AUTS2: variants seen among roughly 807,000 people sequenced by gnomAD.
AUTS2 encodes activator of transcription and developmental regulator AUTS2, also known as autism susceptibility gene 2 protein.
AUTS2 carries 17 observed loss-of-function variants against 112.4 expected under a neutral mutation model. That is an observed-to-expected ratio of 0.15 (90% CI 0.10 to 0.23). The LOEUF is 0.23. Ranked by LOEUF, AUTS2 falls within the 10% of genes least tolerant of loss-of-function variation. AUTS2 has a pLI of 1.00. For synonymous variants in AUTS2, 751 were observed against 702.7 expected (o/e 1.07, Z -1.09); for missense variants, 1,510 against 1,701.6 (o/e 0.89, Z 1.98).
chr7:69,684,021 C>A (rs1180678165), intron 1 of AUTS2, among the ~76,000 whole-genome samples: 1 of 152,148 alleles, frequency 6.6e-6, no homozygotes, highest in East Asian at 1.9e-4. Flanking sequence ...AAATGAAGGG[C>A]CCAGATCAGG....
chr7:70,043,150 G>A (rs1182813226), intron 2 of AUTS2, among the ~76,000 whole-genome samples: 2 of 152,130 alleles, frequency 1.3e-5, no homozygotes, highest in African/African-American at 4.8e-5. Flanking sequence ...TGACTTGGAA[G>A]GAAATTATCA....
At position 70,763,026 on chromosome 7, in the gene AUTS2, C is replaced by G. The variant is rs1480494830; in HGVS notation, c.899C>G (p.Pro300Arg). The G allele has an allele frequency of 6.2e-7, 1 of 1,614,108 alleles. No individual in the cohort carries two copies. The highest frequency in any genetic ancestry group is 8.5e-7 in the Non-Finnish European group (1 of 1,180,018). ...CCTGTGGTGCTTAAAGACCCCTGCC[C>G]TCAGGTCGCACAGCCAATACCCCAG... ...FEPVVLKDPC[P>R]QVAQPIPQPQ... Residue 300 changes from proline to arginine, a missense_variant, in exon 7 of 19, where the codon CCT becomes CGT. Around this residue, in one of 3 missense-constraint regions of AUTS2, gnomAD observed 535 missense variants for 594.3 expected, o/e 0.90. Coordinates refer to ENST00000342771, the MANE Select transcript of AUTS2 (RefSeq NM_015570.4).
At chr7:69,976,887 G>C (rs1440807227) in intron 2 of AUTS2, among the ~76,000 whole-genome samples, 5 of 152,018 alleles carry the variant, frequency 3.3e-5, no homozygotes, top group Non-Finnish European at 5.9e-5. Context: ...CCATTCCATA[G>C]GTTTCTTTTT....
chr7:70,397,492 A>G (rs1424706207), intron 4 of AUTS2, among the ~76,000 whole-genome samples: 1 of 152,168 alleles, frequency 6.6e-6, no homozygotes, highest in Non-Finnish European at 1.5e-5. Context: ...CTTTTTGGGT[A>G]AACTTTCTAT....
intron 2 of AUTS2, among the ~76,000 whole-genome samples, chr7:70,025,777 C>CT (rs34107096): frequency 0.24 from 30,699 of 126,564 alleles, 3,688 homozygotes; most frequent in Middle Eastern, 0.27. Context: ...TTTTACTAAG[C>CT]TTTTTTTTTT....
intron 5 of AUTS2, among the ~76,000 whole-genome samples, chr7:70,670,095 G>A (rs569755847): frequency 6.6e-6 from 1 of 152,176 alleles, no homozygotes; most frequent in Non-Finnish European, 1.5e-5. Context: ...TACGCTACAC[G>A]CTGCCTGGTC....
At chr7:70,043,194 A>G (rs1801321716) in intron 2 of AUTS2, among the ~76,000 whole-genome samples, 1 of 152,188 alleles carries the variant, frequency 6.6e-6, no homozygotes, top group Non-Finnish European at 1.5e-5. Flanking sequence ...TAAATGGGGC[A>G]GGTCCATAGC....
intron 1 of AUTS2, among the ~76,000 whole-genome samples, chr7:69,865,683 C>CT (rs1402334006): frequency 2.0e-5 from 3 of 152,134 alleles, no homozygotes; most frequent in Non-Finnish European, 4.4e-5. Flanking sequence ...TTCTCATTTC[C>CT]TTTTTAACCC....
chr7:69,637,473 C>T (rs1392621043), intron 1 of AUTS2, among the ~76,000 whole-genome samples: 2 of 152,134 alleles, frequency 1.3e-5, no homozygotes, highest in Non-Finnish European at 2.9e-5. Flanking sequence ...ATCTTCTGTT[C>T]CCAGTATCAG....
At chr7:70,351,082 G>A (rs538575500) in intron 4 of AUTS2, among the ~76,000 whole-genome samples, 47 of 143,468 alleles carry the variant, frequency 3.3e-4, no homozygotes, top group African/African-American at 1.1e-3. Context: ...ATGGAGTCTC[G>A]CTCTGTCACC....
intron 4 of AUTS2, among the ~76,000 whole-genome samples, chr7:70,169,762 C>T (rs955921495): frequency 1.3e-5 from 2 of 152,060 alleles, no homozygotes; most frequent in African/African-American, 4.8e-5. Flanking sequence ...TCTACCAATT[C>T]AACATATAAA....
intron 4 of AUTS2, among the ~76,000 whole-genome samples, chr7:70,261,565 A>G (rs1787170433): frequency 6.6e-6 from 1 of 152,194 alleles, no homozygotes; most frequent in Non-Finnish European, 1.5e-5. Flanking sequence ...GTCCAGAGAA[A>G]TATTAGGTAT....
chr7:69,924,646 G>C (rs184350837), intron 2 of AUTS2, among the ~76,000 whole-genome samples: 166 of 151,854 alleles, frequency 1.1e-3, no homozygotes, highest in African/African-American at 3.9e-3. Flanking sequence ...CTGCTTCCTG[G>C]GTTCAAGCGA....
intron 4 of AUTS2, among the ~76,000 whole-genome samples, chr7:70,371,900 G>A (rs1013504679): frequency 3.9e-5 from 6 of 152,140 alleles, no homozygotes; most frequent in Admixed American, 6.6e-5. Context: ...TCAGGGTGAT[G>A]TCTCATTACC....
intron 1 of AUTS2, among the ~76,000 whole-genome samples, chr7:69,770,711 A>G (rs1338564156): frequency 6.6e-6 from 1 of 152,178 alleles, no homozygotes; most frequent in Non-Finnish European, 1.5e-5. Flanking sequence ...GGGACCTACT[A>G]GAGGACAACA....
chr7:69,601,556 TTGG>T (rs753483852), intron 1 of AUTS2, among the ~76,000 whole-genome samples: 7 of 151,404 alleles, frequency 4.6e-5, no homozygotes, highest in East Asian at 1.9e-4. Flanking sequence ...AAGGGAGGTA[TTGG>T]TGGTGGTGGT....
chr7:69,625,684 C>A (rs879589514), intron 1 of AUTS2, among the ~76,000 whole-genome samples: 1 of 152,008 alleles, frequency 6.6e-6, no homozygotes, highest in African/African-American at 2.4e-5. Flanking sequence ...AACAGTGAGA[C>A]CCTGTTCTAT....
chr7:70,582,377 G>A lies in AUTS2; in HGVS notation c.691-116192G>A, dbSNP rs550383459. Among the ~76,000 whole-genome samples the A allele has an allele frequency of 1.8e-3, 273 of 152,292 alleles. 1 individual carries two copies. The highest frequency in any genetic ancestry group is 3.2e-3 in the Non-Finnish European group (219 of 68,028). On this transcript the variant is annotated intron_variant, in intron 5 of 18. Coordinates refer to ENST00000342771, the MANE Select transcript of AUTS2 (RefSeq NM_015570.4). ...TCCCATATTTCAGGCTGAGGCCTAC[G>A]GAGTGGGTTCCCACTGGACCCTCTA...
At chr7:69,821,739 TCATTC>T (rs1791004846) in intron 1 of AUTS2, among the ~76,000 whole-genome samples, 2 of 151,750 alleles carry the variant, frequency 1.3e-5, no homozygotes, top group Non-Finnish European at 2.9e-5. Context: ...GTCCAAGGCT[TCATTC>T]TTGAAGTCAG....
Sources: gnomAD v4.1 joint callset for allele counts (sites outside exome capture counted in the v4.1 genomes callset) on GRCh38, gnomAD v4.1.1 for gene constraint, gnomAD v4.1.1 regional missense constraint, MANE v1.5 for transcripts, NCBI Gene and HGNC (gene_info 2026-07-23, HGNC 2026-07-21) for gene names.